Variants in GNAL observed in about 807,000 individuals in gnomAD.
GNAL encodes guanine nucleotide-binding protein G(olf) subunit alpha.
Under a neutral mutation model 55.1 loss-of-function variants are expected in GNAL, and 18 were observed. That is an observed-to-expected ratio of 0.33 (90% CI 0.23 to 0.48). GNAL has a LOEUF of 0.48. GNAL is among the 20% of genes least tolerant of loss of function. GNAL has a pLI of 0.99. For synonymous variants in GNAL, 253 were observed against 237.0 expected (o/e 1.07, Z -0.62); for missense variants, 412 against 614.1 (o/e 0.67, Z 3.48).
At chr18:11,754,054 G>T in intron 4 of GNAL, 109 bp downstream of exon 4, 1 of 812,648 alleles carries the variant, frequency 1.2e-6, no homozygotes. Context: ...AACTTTCTTC[G>T]AAATCCAGCT....
chr18:11,792,110 T>C (rs1448269418), intron 4 of GNAL, among the ~76,000 whole-genome samples: 1 of 152,192 alleles, frequency 6.6e-6, no homozygotes, highest in Non-Finnish European at 1.5e-5. Flanking sequence ...GCTTTCCTAA[T>C]TGGCACCATA....
intron 4 of GNAL, among the ~76,000 whole-genome samples, chr18:11,769,003 A>T (rs1336382162): frequency 9.9e-6 from 1 of 101,454 alleles, no homozygotes; most frequent in Non-Finnish European, 1.7e-5. Flanking sequence ...TATAATATAG[A>T]ATATATATAT....
At chr18:11,872,033 T>G (rs375354947) in intron 9 of GNAL, among the ~76,000 whole-genome samples, 2 of 152,248 alleles carry the variant, frequency 1.3e-5, no homozygotes, top group East Asian at 3.8e-4. Flanking sequence ...GAAAAAGTTT[T>G]GGATTTTGAA....
chr18:11,692,598 C>T (rs1334056167), intron 1 of GNAL, among the ~76,000 whole-genome samples: 1 of 151,906 alleles, frequency 6.6e-6, no homozygotes, highest in Non-Finnish European at 1.5e-5. Context: ...TACCCTCATC[C>T]ACATATTTTT....
intron 1 of GNAL, among the ~76,000 whole-genome samples, chr18:11,740,027 C>G (rs1438659275): frequency 6.6e-6 from 1 of 152,202 alleles, no homozygotes; most frequent in African/African-American, 2.4e-5. Flanking sequence ...AGCCCTCCTT[C>G]CGCATTCACT....
At chr18:11,877,725 C>T (rs1016514241) in intron 11 of GNAL, among the ~76,000 whole-genome samples, 1 of 151,226 alleles carries the variant, frequency 6.6e-6, no homozygotes, top group Non-Finnish European at 1.5e-5. Context: ...GGGGCCTTTC[C>T]ACGGGGACCG....
Position 11,751,334 on chromosome 18 carries a change from T to A in GNAL, c.377-1519T>A. ...CCAGTCTCGCGCCCTAGTTCGTTCC[T>A]CTGCTACAACGCCAAGTTCGAGGCC... On this transcript the variant is annotated intron_variant, in intron 1 of 11. Transcript: ENST00000334049. The surrounding 1 kb of genome is among the most constrained non-coding windows in gnomAD (Gnocchi z 4.5). 1 of 189,502 alleles carries A rather than the reference T, an allele frequency of 5.3e-6. No homozygotes were observed. Among genetic ancestry groups the A allele is most frequent in the Non-Finnish European group, 9.8e-6 (1 of 102,182 alleles). 11.7% of individuals were successfully genotyped at this position (189,502 alleles called of 1,614,324 possible).
chr18:11,814,660 G>C (rs1481660885), intron 4 of GNAL, among the ~76,000 whole-genome samples: 1 of 152,214 alleles, frequency 6.6e-6, no homozygotes, highest in Non-Finnish European at 1.5e-5. Flanking sequence ...ACTTTGGAAG[G>C]CCAAAGCAGG....
intron 4 of GNAL, among the ~76,000 whole-genome samples, chr18:11,789,466 G>A (rs1394071926): frequency 5.3e-5 from 8 of 152,166 alleles, no homozygotes; most frequent in Non-Finnish European, 1.0e-4. Flanking sequence ...CTTTAATTAA[G>A]CATTTTCTCA....
intron 4 of GNAL, among the ~76,000 whole-genome samples, chr18:11,758,258 G>A (rs188178366): frequency 1.0e-3 from 155 of 152,168 alleles, no homozygotes; most frequent in Non-Finnish European, 1.7e-3. Flanking sequence ...AGAGGTGAGG[G>A]AGGGCTTGTT....
At chr18:11,802,215 A>C (rs2034539812) in intron 4 of GNAL, among the ~76,000 whole-genome samples, 1 of 152,002 alleles carries the variant, frequency 6.6e-6, no homozygotes, top group Admixed American at 6.6e-5. Flanking sequence ...CTGGCCACTT[A>C]TTTTGTTGTT....
intron 1 of GNAL, among the ~76,000 whole-genome samples, chr18:11,716,128 G>A (rs1471216948): frequency 1.3e-5 from 2 of 152,156 alleles, no homozygotes; most frequent in East Asian, 1.9e-4. Context: ...ACTACCATTC[G>A]ACGCAGCAAT....
At chr18:11,773,974 T>G (rs1301029405) in intron 4 of GNAL, among the ~76,000 whole-genome samples, 1 of 152,190 alleles carries the variant, frequency 6.6e-6, no homozygotes, top group Non-Finnish European at 1.5e-5. Flanking sequence ...ATGCTCAGTT[T>G]CCTCATCTGT....
intron 5 of GNAL, among the ~76,000 whole-genome samples, chr18:11,846,414 AATAT>A (rs897925999): frequency 6.8e-6 from 1 of 146,772 alleles, no homozygotes; most frequent in African/African-American, 2.5e-5. Context: ...TTTATATATA[AATAT>A]ATAAATACAT....
At chr18:11,879,419 G>A (rs373427044) in intron 11 of GNAL, among the ~76,000 whole-genome samples, 4 of 152,048 alleles carry the variant, frequency 2.6e-5, no homozygotes, top group African/African-American at 4.8e-5. Context: ...ACAAAGTGCC[G>A]CAGAGGCTGA....
intron 1 of GNAL, among the ~76,000 whole-genome samples, chr18:11,744,243 A>T (rs914424057): frequency 8.5e-5 from 13 of 152,236 alleles, no homozygotes; most frequent in Admixed American, 3.3e-4. Context: ...TCTCCTTTAC[A>T]GATGACACTT....
intron 1 of GNAL, among the ~76,000 whole-genome samples, chr18:11,703,468 G>A (rs957815242): frequency 1.1e-4 from 16 of 152,234 alleles, no homozygotes; most frequent in South Asian, 6.2e-4. Context: ...AATAAAATAC[G>A]GATAAAGTAG....
chr18:11,703,491 AAC>A, intron 1 of GNAL, among the ~76,000 whole-genome samples: 1 of 152,330 alleles, frequency 6.6e-6, no homozygotes, highest in African/African-American at 2.4e-5. Flanking sequence ...CCAATTAAGA[AAC>A]AGTTATGTGA....
At chr18:11,692,822 T>G (rs1371809824) in intron 1 of GNAL, among the ~76,000 whole-genome samples, 1 of 150,900 alleles carries the variant, frequency 6.6e-6, no homozygotes, top group Non-Finnish European at 1.5e-5. Flanking sequence ...AATAAACAAA[T>G]AAAAGAATAG....
Sources: allele counts gnomAD v4.1 joint callset (sites outside exome capture counted in the v4.1 genomes callset), GRCh38; gene constraint gnomAD v4.1.1; non-coding constraint Gnocchi (gnomAD v3.1); transcripts MANE v1.5; gene names NCBI Gene and HGNC (gene_info 2026-07-23, HGNC 2026-07-21).